Variants in SNTG2 observed in about 807,000 individuals in gnomAD.
The protein encoded by SNTG2 is gamma-2-syntrophin.
Under a neutral mutation model 70.9 loss-of-function variants are expected in SNTG2, and 74 were observed. The ratio of observed to expected loss-of-function variants is 1.04; its 90% CI spans 0.86 to 1.27. The LOEUF (loss-of-function observed/expected upper bound fraction) is 1.27, where lower values mean the gene tolerates loss of function less well. Ranked by LOEUF, SNTG2 falls within the 50% of genes most tolerant of loss-of-function variation. The pLI is 0.00. For missense variants in SNTG2, 717 were observed against 690.7 expected, an observed-to-expected ratio of 1.04 and a Z score of -0.43; for synonymous variants, 278 against 273.8, an observed-to-expected ratio of 1.02 and a Z score of -0.15.
chr2:1,313,442 GC>G (rs1231287019), intron 15 of SNTG2, among the ~76,000 whole-genome samples: 1 of 152,234 alleles, frequency 6.6e-6, no homozygotes, highest in Non-Finnish European at 1.5e-5. Flanking sequence ...CGTCTCTGGA[GC>G]TGTGAGTGGA....
chr2:1,131,198 G>T (rs1667990989), intron 4 of SNTG2, among the ~76,000 whole-genome samples: 1 of 151,996 alleles, frequency 6.6e-6, no homozygotes, highest in Admixed American at 6.6e-5. Flanking sequence ...TTTATTCCTG[G>T]GTGAATTTGC....
At chr2:1,031,528 A>ATATATTTTTTTTT in intron 1 of SNTG2, among the ~76,000 whole-genome samples, 10 of 59,118 alleles carry the variant, frequency 1.7e-4, no homozygotes, top group African/African-American at 8.3e-4. Flanking sequence ...ATATATATAT[A>ATATATTTTTTTTT]TTTTTTTTTT....
At chr2:1,229,501 A>C (rs1460261616) in intron 9 of SNTG2, among the ~76,000 whole-genome samples, 2 of 152,240 alleles carry the variant, frequency 1.3e-5, no homozygotes, top group Admixed American at 6.5e-5. Context: ...AGGTTCTCCA[A>C]GTCCCCACCA....
At chr2:1,205,481 C>T (rs6735473) in intron 8 of SNTG2, among the ~76,000 whole-genome samples, 35,831 of 152,030 alleles carry the variant, frequency 0.24, 4,931 homozygotes, top group East Asian at 0.44. Context: ...AATGCAGAGT[C>T]GGGGAGCTTA....
intron 8 of SNTG2, among the ~76,000 whole-genome samples, chr2:1,176,323 G>C (rs1212654426): frequency 1.3e-5 from 2 of 151,870 alleles, no homozygotes; most frequent in African/African-American, 4.8e-5. Flanking sequence ...GGAGGAGGGA[G>C]AGGATCAGAA....
intron 4 of SNTG2, among the ~76,000 whole-genome samples, chr2:1,121,092 A>G (rs1421793201): frequency 2.6e-5 from 4 of 151,972 alleles, no homozygotes; most frequent in Non-Finnish European, 2.9e-5. Flanking sequence ...AATCAGTAAC[A>G]GGAGGAATCT....
At chr2:1,279,048 G>A (rs1032348428) in intron 14 of SNTG2, among the ~76,000 whole-genome samples, 1 of 101,690 alleles carries the variant, frequency 9.8e-6, no homozygotes, top group Non-Finnish European at 2.1e-5. Context: ...CTGTCAGTGC[G>A]CGATTCACCC....
chr2:1,007,324 C>G (rs1659602876), intron 1 of SNTG2, among the ~76,000 whole-genome samples: 1 of 152,184 alleles, frequency 6.6e-6, no homozygotes, highest in Admixed American at 6.5e-5. Context: ...CGTCTCTAAA[C>G]TTGTTACCTC....
chr2:1,292,960 G>T (rs149528158), intron 14 of SNTG2, among the ~76,000 whole-genome samples: 1 of 152,152 alleles, frequency 6.6e-6, no homozygotes, highest in Non-Finnish European at 1.5e-5. Flanking sequence ...ATTCACCAGC[G>T]AAACTATCTG....
intron 16 of SNTG2, among the ~76,000 whole-genome samples, chr2:1,347,599 CTG>C (rs1174026915): frequency 1.3e-5 from 2 of 152,228 alleles, no homozygotes; most frequent in African/African-American, 4.8e-5. Context: ...GCTCCCATCA[CTG>C]TATGTGTGAA....
chr2:1,303,805 C>T (rs760796573), intron 14 of SNTG2, among the ~76,000 whole-genome samples: 10 of 152,112 alleles, frequency 6.6e-5, no homozygotes, highest in Non-Finnish European at 1.0e-4. Flanking sequence ...GTGTAAACTT[C>T]GACAGGATAA....
At chr2:1,241,569 CAGTAACTCATCATTTAACATTA>C (rs1677055116) in intron 11 of SNTG2, among the ~76,000 whole-genome samples, 1 of 152,148 alleles carries the variant, frequency 6.6e-6, no homozygotes. Context: ...GCGCTGCACC[CAGTAACTCATCATTTAACATTA>C]AGTATATCTC....
At chr2:1,336,939 G>T (rs887051482) in intron 16 of SNTG2, among the ~76,000 whole-genome samples, 2 of 151,734 alleles carry the variant, frequency 1.3e-5, no homozygotes, top group Admixed American at 1.3e-4. Context: ...TGCTAGTCAA[G>T]GTCTTTTGCA....
intron 8 of SNTG2, among the ~76,000 whole-genome samples, chr2:1,206,670 A>G (rs78221870): frequency 0.014 from 2,205 of 152,298 alleles, 49 homozygotes; most frequent in African/African-American, 0.048. Flanking sequence ...AAAGCGTCCT[A>G]TGAAAGTCCA....
chr2:1,278,528 T>C (rs749428003), intron 14 of SNTG2, among the ~76,000 whole-genome samples: 8 of 152,216 alleles, frequency 5.3e-5, no homozygotes, highest in Non-Finnish European at 1.2e-4. Flanking sequence ...TAAGTTCTTT[T>C]ATTTAAAAAA....
chr2:1,293,326 T>A (rs1680066746), intron 14 of SNTG2, among the ~76,000 whole-genome samples: 1 of 152,126 alleles, frequency 6.6e-6, no homozygotes, highest in Non-Finnish European at 1.5e-5. Flanking sequence ...ATTGATTTTC[T>A]ATATTGTTTT....
At chr2:1,197,721 A>G (rs561579399) in intron 8 of SNTG2, among the ~76,000 whole-genome samples, 2 of 151,886 alleles carry the variant, frequency 1.3e-5, no homozygotes, top group African/African-American at 4.8e-5. Flanking sequence ...TTTGGTAGGG[A>G]TGAAGTGTTG....
intron 9 of SNTG2, among the ~76,000 whole-genome samples, chr2:1,214,093 G>A (rs1175867209): frequency 6.6e-6 from 1 of 152,056 alleles, no homozygotes; most frequent in Non-Finnish European, 1.5e-5. Context: ...TTTTTATTCT[G>A]TTCCATTGGC....
chr2:1,164,184 C>T lies in SNTG2; in HGVS notation c.412-1364C>T, dbSNP rs920755965. Among the ~76,000 whole-genome samples the T allele has an allele frequency of 2.0e-5, 3 of 151,936 alleles. No individual in the cohort carries two copies. In the East Asian group the frequency reaches 5.8e-4, roughly 30 times the overall value. ...AGGATGAAGTGAGGTAGGAACCTGCCGAAATTGTGGGCAGTCTCTGTGTAG... is the reference window on the plus strand; with the variant it reads ...AGGATGAAGTGAGGTAGGAACCTGCTGAAATTGTGGGCAGTCTCTGTGTAG... On this transcript the variant is annotated intron_variant, in intron 6 of 16. Coordinates refer to ENST00000308624, the MANE Select transcript of SNTG2 (RefSeq NM_018968.4).
Sources: allele counts gnomAD v4.1 joint callset (sites outside exome capture counted in the v4.1 genomes callset), GRCh38; gene constraint gnomAD v4.1.1; transcripts MANE v1.5; gene names NCBI Gene and HGNC (gene_info 2026-07-23, HGNC 2026-07-21).